PET100: variants seen among roughly 807,000 people sequenced by gnomAD.
The protein encoded by PET100 is protein PET100 homolog, mitochondrial.
PET100 carries 13 observed loss-of-function variants against 13.6 expected under a neutral mutation model. That is an observed-to-expected ratio of 0.96 (90% CI 0.62 to 1.52). The LOEUF (loss-of-function observed/expected upper bound fraction) is 1.52, where lower values mean the gene tolerates loss of function less well. PET100 is among the 40% of genes most tolerant of loss of function. The pLI is 0.00. For synonymous variants in PET100, 28 were observed against 30.8 expected, an observed-to-expected ratio of 0.91 and a Z score of 0.30; for missense variants, 94 against 95.3, an observed-to-expected ratio of 0.99 and a Z score of 0.06.
chr19:7,631,768 G>A lies in PET100; in HGVS notation c.*212G>A, dbSNP rs745652466. 7.0e-7 allele frequency: 1 copy of A among 1,422,056 alleles called. No individual in the cohort carries two copies. Among genetic ancestry groups the A allele is most frequent in the African/African-American group, 1.5e-5 (1 of 68,328 alleles). The allele number at this position is 1,422,056 out of a possible 1,614,324, so 88.1% of individuals were successfully genotyped here. ...GGTCGGGTCCTGAGGGGTGAGCAGG[G>A]GTTGGGGACTGAGGGTCCCAGCTCG... On this transcript the variant is annotated 3_prime_UTR_variant, in exon 4 of 4. Coordinates refer to ENST00000594797, the MANE Select transcript of PET100 (RefSeq NM_001171155.2).
At chr19:7,630,030 T>TG (rs1157789840) in intron 1 of PET100, 170 bp downstream of exon 1, 64 of 573,774 alleles carry the variant, frequency 1.1e-4, no homozygotes, top group South Asian at 1.6e-4. Context: ...GACGCTGGGC[T>TG]GGGGGGGTTC....
chr19:7,630,790 GGCTC>G (rs1274271478), intron 2 of PET100, 29 bp from the exon 3 acceptor site: 3 of 1,537,166 alleles, frequency 2.0e-6, no homozygotes, highest in Admixed American at 2.0e-5. Context: ...GGAGGCCTTT[GGCTC>G]GTGTCCCATT....
rs777371438 is a variant in PET100 at position 7,631,747 on chromosome 19, G to A, written c.*191G>A. 20 of 1,438,386 alleles carry A rather than the reference G, an allele frequency of 1.4e-5. No individual in the cohort carries two copies. The highest frequency in any genetic ancestry group is 2.6e-5 in the Admixed American group (1 of 38,208). The allele number at this position is 1,438,386 out of a possible 1,614,324, so 89.1% of individuals were successfully genotyped here. A position where few individuals can be genotyped will look rare whatever the true frequency, so the allele number is the denominator to read the frequency against. ...GTTCCGACGGAAGCCGAGAGCGGTC[G>A]GGTCCTGAGGGGTGAGCAGGGGTTG... On this transcript the variant is annotated 3_prime_UTR_variant, in exon 4 of 4. Coordinates refer to ENST00000594797, the MANE Select transcript of PET100 (RefSeq NM_001171155.2).
At chr19:7,630,445 C>T (rs2031253076) in intron 1 of PET100, 128 bp from the exon 2 acceptor site, 1 of 721,876 alleles carries the variant, frequency 1.4e-6, no homozygotes, top group African/African-American at 1.8e-5. Flanking sequence ...GGTGGGAGTT[C>T]TGGGATTCTT....
At chr19:7,630,490 A>T in intron 1 of PET100, 83 bp from the exon 2 acceptor site, 1 of 1,125,024 alleles carries the variant, frequency 8.9e-7, no homozygotes, top group Admixed American at 2.0e-5. Flanking sequence ...TGGACTCTGC[A>T]GTAGGATGGG....
chr19:7,629,833 G>A lies in PET100; in HGVS notation c.-1G>A. 1 of 1,536,710 alleles carries A rather than the reference G, an allele frequency of 6.5e-7. No individual in the cohort carries two copies. On this transcript the variant is annotated 5_prime_UTR_variant, in exon 1 of 4. Transcript: ENST00000594797. ...TGGCTTTGTTGACCGGGAGAAACGA[G>A]ATGGGGGTGAAGCTGGAGATATTTC...
In PET100 at chr19:7,631,501, G is replaced by A. The variant is rs2031299008; in HGVS notation, c.167G>A (p.Arg56Lys). 1 of 1,536,552 alleles carries A rather than the reference G, an allele frequency of 6.5e-7. No homozygotes were observed. Among genetic ancestry groups the A allele is most frequent in the Non-Finnish European group, 8.7e-7 (1 of 1,146,808 alleles). ...KLQEIEEFKERLRKRREEKLL... is the reference protein window; with the variant it reads ...KLQEIEEFKEKLRKRREEKLL... Reference sequence around the variant, plus strand: ...CAAGAGATAGAGGAATTCAAAGAGAGGTTACGGAAGCGGCGGGAGGAGAAG... The same window carrying A: ...CAAGAGATAGAGGAATTCAAAGAGAAGTTACGGAAGCGGCGGGAGGAGAAG... Residue 56 changes from arginine (R) to lysine (K), a missense_variant, in exon 4 of 4, where the codon AGG (arginine) becomes AAG (lysine). By Grantham distance (26) the Arg-to-Lys change is conservative. Transcript: ENST00000594797.
At position 7,631,936 on chromosome 19, in the gene PET100, A is replaced by C. The variant is rs960350860; in HGVS notation, c.*380A>C. The C allele has an allele frequency of 2.3e-5, 22 of 967,566 alleles. No individual in the cohort carries two copies. Among genetic ancestry groups the C allele is most frequent in the Non-Finnish European group, 3.1e-5 (22 of 714,124 alleles). 59.9% of individuals were successfully genotyped at this position (967,566 alleles called of 1,614,324 possible). ...TCATTGTGAGCACTGGTCTATGTTT[A>C]CCCTCAATATCTGCCATTTAGGGTG... is the stretch of plus-strand genomic sequence containing the variant. On this transcript the variant is annotated 3_prime_UTR_variant, in exon 4 of 4. Coordinates refer to ENST00000594797, the MANE Select transcript of PET100 (RefSeq NM_001171155.2).
intron 1 of PET100, chr19:7,630,237 CCTGGGTTTGGG>C: frequency 2.2e-6 from 1 of 450,084 alleles, no homozygotes; most frequent in African/African-American, 2.0e-5. Context: ...AGTGACGCCT[CCTGGGTTTGGG>C]GGTGCTCCCG....
chr19:7,630,032 G>A lies in PET100; in HGVS notation c.27+172G>A. The A allele has an allele frequency of 3.6e-6, 3 of 839,578 alleles. No homozygotes were observed. In the Admixed American group the frequency reaches 1.1e-4, roughly 30 times the overall value. 52.0% of individuals were successfully genotyped at this position (839,578 alleles called of 1,614,324 possible). On this transcript the variant is annotated intron_variant, in intron 1 of 3. Coordinates refer to ENST00000594797, the MANE Select transcript of PET100 (RefSeq NM_001171155.2). Reference sequence around the variant, plus strand: ...ATCCAGGAGAGGGGACGCTGGGCTGGGGGGGTTCTCGGATTTGGGCTTCTG... The same window carrying A: ...ATCCAGGAGAGGGGACGCTGGGCTGAGGGGGTTCTCGGATTTGGGCTTCTG...
rs1599376802 is a variant in PET100, at chr19:7,630,384, C to T, written c.28-189C>T. 7 of 595,874 alleles carry T rather than the reference C, an allele frequency of 1.2e-5. 2 individuals carry two copies. In the Admixed American group the frequency reaches 1.8e-4, roughly 15 times the overall value. 36.9% of individuals were successfully genotyped at this position (595,874 alleles called of 1,614,324 possible). The stretch of plus-strand genomic sequence containing the variant: ...TCAGAGGGAACTTTCAGGAATGAGG[C>T]CTCCTGGATTATAGGAGTTAGGTTT... On this transcript the variant is annotated intron_variant, in intron 1 of 3. Transcript: ENST00000594797.
Position 7,631,456 on chromosome 19 carries a change from C to T in PET100, c.139-17C>T, listed in dbSNP as rs1392809003. Reference sequence around the variant, plus strand: ...GCCCCTCCCCCCTTCCTGTCCCACCCGCTTCTCCACCCCTAGCTTCAAGAG... The same window carrying T: ...GCCCCTCCCCCCTTCCTGTCCCACCTGCTTCTCCACCCCTAGCTTCAAGAG... On this transcript the variant is annotated splice_polypyrimidine_tract_variant and intron_variant, in intron 3 of 3. Transcript: ENST00000594797. 18 of 1,532,090 alleles carry T rather than the reference C, an allele frequency of 1.2e-5. No homozygotes were observed. The highest frequency in any genetic ancestry group is 1.4e-5 in the Non-Finnish European group (16 of 1,144,506). The allele number at this position is 1,532,090 out of a possible 1,614,324, so 94.9% of individuals were successfully genotyped here.
At chr19:7,630,028 G>A in intron 1 of PET100, 168 bp downstream of exon 1, 1 of 856,936 alleles carries the variant, frequency 1.2e-6, no homozygotes, top group Non-Finnish European at 1.7e-6. Flanking sequence ...GGGACGCTGG[G>A]CTGGGGGGGT....
rs1436541493 is a variant in PET100, at chr19:7,630,645, G to A, written c.100G>A (p.Val34Ile). ...TCAGGCCGAGTGGTTTGAGGACGAT[G>A]TCATACAGCGCAAGGTGGGCATAAG... ...SNQAEWFEDD[V>I]IQRKRELWPP... The change falls in exon 2 of 4, where the codon GTC (valine) becomes ATC (isoleucine). Residue 34 changes from valine (V) to isoleucine (I), a missense_variant. Coordinates refer to ENST00000594797, the MANE Select transcript of PET100 (RefSeq NM_001171155.2). 1 of 1,537,212 alleles carries A rather than the reference G, an allele frequency of 6.5e-7. No homozygotes were observed. The highest frequency in any genetic ancestry group is 8.7e-7 in the Non-Finnish European group (1 of 1,146,844).
At chr19:7,630,532 G>C in intron 1 of PET100, 41 bp from the exon 2 acceptor site, 1 of 1,464,076 alleles carries the variant, frequency 6.8e-7, no homozygotes, top group African/African-American at 1.4e-5. Context: ...TCTGCACATT[G>C]CTTGGGGGGA....
chr19:7,630,943 C>G, intron 3 of PET100, 97 bp downstream of exon 3: 1 of 1,441,442 alleles, frequency 6.9e-7, no homozygotes, highest in Non-Finnish European at 9.4e-7. Context: ...GGCGCAGTGG[C>G]TCATGCTTGT....
At position 7,631,793 on chromosome 19, in the gene PET100, G is replaced by A. The variant is rs759833880; in HGVS notation, c.*237G>A. 7.7e-6 allele frequency: 11 copies of A among 1,421,762 alleles called. No homozygotes were observed. The highest frequency in any genetic ancestry group is 5.2e-5 in the East Asian group (2 of 38,268). The allele number at this position is 1,421,762 out of a possible 1,614,324, so 88.1% of individuals were successfully genotyped here. A position where few individuals can be genotyped will look rare whatever the true frequency, so the allele number is the denominator to read the frequency against. ...GGTTGGGGACTGAGGGTCCCAGCTCGTTTCTGTGCTCCGTCCTGTGGATGA... is the reference window on the plus strand; with the variant it reads ...GGTTGGGGACTGAGGGTCCCAGCTCATTTCTGTGCTCCGTCCTGTGGATGA... On this transcript the variant is annotated 3_prime_UTR_variant, in exon 4 of 4. Coordinates refer to ENST00000594797, the MANE Select transcript of PET100 (RefSeq NM_001171155.2).
At chr19:7,631,338 T>G in intron 3 of PET100, 135 bp from the exon 4 acceptor site, 1 of 1,398,902 alleles carries the variant, frequency 7.1e-7, no homozygotes, top group Non-Finnish European at 9.3e-7. Flanking sequence ...GGCAGGGGGC[T>G]TCCAGTGAAG....
At chr19:7,631,075 G>A (rs2031274168) in intron 3 of PET100, 8 of 732,418 alleles carry the variant, frequency 1.1e-5, no homozygotes, top group African/African-American at 1.8e-5. Flanking sequence ...AGGCATGGTG[G>A]CAGGCGCCTA....
Sources: allele counts gnomAD v4.1 joint callset, GRCh38; gene constraint gnomAD v4.1.1; transcripts MANE v1.5; gene names NCBI Gene and HGNC (gene_info 2026-07-23, HGNC 2026-07-21).